The following TBC1D20 variants were observed in gnomAD, a reference collection of about 807,000 sequenced individuals.
TBC1D20 encodes the protein TBC1 domain family member 20, also known as chromosome 20 open reading frame 140.
In TBC1D20, 12 loss-of-function variants were observed where a neutral mutation model predicts 41.6. The ratio of observed to expected loss-of-function variants is 0.29; its 90% CI spans 0.18 to 0.47. The LOEUF is 0.47. Ranked by LOEUF, TBC1D20 falls within the 20% of genes least tolerant of loss-of-function variation. The probability of loss-of-function intolerance (pLI) is 1.00; values close to 1 mark genes in which losing one functional copy is unlikely to be tolerated. For synonymous variants in TBC1D20, 205 were observed against 204.8 expected (o/e 1.00, Z -0.01); for missense variants, 421 against 517.4 (o/e 0.81, Z 1.81).
intron 1 of TBC1D20, among the ~76,000 whole-genome samples, chr20:460,290 A>G (rs987617739): frequency 3.3e-5 from 5 of 152,098 alleles, no homozygotes; most frequent in African/African-American, 7.2e-5. Flanking sequence ...ATTGGAAATT[A>G]ACTTGAAAAT....
chr20:447,214 C>T (rs1013649403), intron 2 of TBC1D20, among the ~76,000 whole-genome samples: 6 of 151,102 alleles, frequency 4.0e-5, no homozygotes, highest in Non-Finnish European at 8.8e-5. Context: ...CCTGCCTCAG[C>T]CTCCCAAAGT....
At chr20:454,817 G>GC (rs1364091311) in intron 1 of TBC1D20, among the ~76,000 whole-genome samples, 1 of 151,886 alleles carries the variant, frequency 6.6e-6, no homozygotes, top group Non-Finnish European at 1.5e-5. Context: ...GATTACAGGC[G>GC]CATGCTGCCA....
Position 439,047 on chromosome 20 carries a change from T to C in TBC1D20, c.956+61A>G. The stretch of plus-strand genomic sequence containing the variant: ...AACCCTATCCCACCAGACACAAACC[T>C]TCCCTCGCTTCTGCTCATTTACAGC... On this transcript the variant is annotated intron_variant, in intron 7 of 7. Transcript: ENST00000354200. The surrounding 1 kb of genome is among the most constrained non-coding windows in gnomAD (Gnocchi z 4.6). 1 of 1,552,858 alleles carries C rather than the reference T, an allele frequency of 6.4e-7. No individual in the cohort carries two copies. The highest frequency in any genetic ancestry group is 1.9e-5 in the Admixed American group (1 of 53,716).
intron 1 of TBC1D20, chr20:450,548 C>A (rs907244083): frequency 6.6e-6 from 1 of 152,154 alleles, no homozygotes; most frequent in Non-Finnish European, 1.5e-5. Flanking sequence ...TGTGACACTG[C>A]ATACAAAGGA....
chr20:460,057 G>C (rs933443231), intron 1 of TBC1D20, among the ~76,000 whole-genome samples: 9 of 151,970 alleles, frequency 5.9e-5, no homozygotes, highest in African/African-American at 1.5e-4. Context: ...TACTAACTTG[G>C]ATCAACTAAT....
intron 1 of TBC1D20, among the ~76,000 whole-genome samples, chr20:451,381 C>A (rs1261933321): frequency 6.6e-6 from 1 of 152,032 alleles, no homozygotes; most frequent in Non-Finnish European, 1.5e-5. Flanking sequence ...CCTGTCTCTA[C>A]TTTAAAAATA....
chr20:462,293 CG>C, intron 1 of TBC1D20, 42 bp downstream of exon 1: 1 of 1,237,960 alleles, frequency 8.1e-7, no homozygotes, highest in Non-Finnish European at 1.0e-6. Context: ...CCCCCCGGGC[CG>C]CCCTCGCAGG....
chr20:442,248 G>A (rs1030361768), intron 3 of TBC1D20, among the ~76,000 whole-genome samples: 1 of 152,228 alleles, frequency 6.6e-6, no homozygotes, highest in Admixed American at 6.5e-5. Flanking sequence ...AGCTGCAGAT[G>A]CCACCCTAAC....
Position 453,108 on chromosome 20 carries a change from G to A in TBC1D20, c.71-5034C>T, listed in dbSNP as rs2017473564. On this transcript the variant is annotated intron_variant, in intron 1 of 7. Transcript: ENST00000354200. Reference sequence around the variant, plus strand: ...TTGAGGTAAGCTGAGATTGCAGATCGCGCCATTGCACTCCAGCCTGGGCAA... The same window carrying A: ...TTGAGGTAAGCTGAGATTGCAGATCACGCCATTGCACTCCAGCCTGGGCAA... 3.2e-5 allele frequency among the ~76,000 whole-genome samples: 4 copies of A among 123,948 alleles called. No individual in the cohort carries two copies. In the South Asian group the frequency reaches 1.1e-3, roughly 34 times the overall value. The allele number at this position is 123,948 out of a possible 152,430, so 81.3% of individuals were successfully genotyped here.
At chr20:453,073 G>C (rs2017472858) in intron 1 of TBC1D20, among the ~76,000 whole-genome samples, 1 of 145,058 alleles carries the variant, frequency 6.9e-6, no homozygotes, top group Non-Finnish European at 1.5e-5. Context: ...TTGAACCCAG[G>C]GGGCGGAGAT....
At chr20:460,580 T>C (rs1266302554) in intron 1 of TBC1D20, among the ~76,000 whole-genome samples, 1 of 152,214 alleles carries the variant, frequency 6.6e-6, no homozygotes, top group Non-Finnish European at 1.5e-5. Context: ...TCTTCATTAG[T>C]AGTTTCTACA....
At chr20:454,984 A>T (rs1198493113) in intron 1 of TBC1D20, among the ~76,000 whole-genome samples, 1 of 152,126 alleles carries the variant, frequency 6.6e-6, no homozygotes, top group East Asian at 1.9e-4. Flanking sequence ...TTATTAACAT[A>T]AATTAAAGTT....
intron 1 of TBC1D20, among the ~76,000 whole-genome samples, chr20:456,426 C>T (rs2017540969): frequency 1.3e-5 from 2 of 152,188 alleles, no homozygotes; most frequent in East Asian, 3.8e-4. Context: ...TCTACTTGTA[C>T]TAAGCACTGT....
intron 1 of TBC1D20, among the ~76,000 whole-genome samples, chr20:460,901 C>T (rs555403446): frequency 6.6e-6 from 1 of 151,660 alleles, no homozygotes; most frequent in Admixed American, 6.6e-5. Context: ...CAACAGGTCA[C>T]AAGACCCATG....
At chr20:448,841 C>CT (rs1157490937) in intron 1 of TBC1D20, among the ~76,000 whole-genome samples, 5,111 of 127,128 alleles carry the variant, frequency 0.04, 651 homozygotes, top group African/African-American at 0.14. Flanking sequence ...ATTACACGTA[C>CT]TTTTTTTTTT....
intron 1 of TBC1D20, among the ~76,000 whole-genome samples, chr20:458,387 C>CA (rs2017577519): frequency 1.3e-5 from 2 of 151,292 alleles, no homozygotes; most frequent in South Asian, 4.2e-4. Flanking sequence ...GATCATGGCT[C>CA]ACTGCAGCCT....
intron 1 of TBC1D20, among the ~76,000 whole-genome samples, chr20:454,864 C>T (rs2017514992): frequency 6.6e-6 from 1 of 151,986 alleles, no homozygotes; most frequent in African/African-American, 2.4e-5. Flanking sequence ...TTAGTAGAGA[C>T]AGGGTTTCAC....
chr20:454,877 T>C (rs113348098), intron 1 of TBC1D20, among the ~76,000 whole-genome samples: 111 of 152,164 alleles, frequency 7.3e-4, no homozygotes, highest in Non-Finnish European at 1.4e-3. Context: ...GGTTTCACCA[T>C]GCCAGGCTGG....
chr20:440,867 G>C (rs7267587), intron 5 of TBC1D20: 13,392 of 153,968 alleles, frequency 0.087, 999 homozygotes, highest in African/African-American at 0.19. Flanking sequence ...AAAGCGGGCG[G>C]ATCACCTGAC....
Sources: allele counts gnomAD v4.1 joint callset (sites outside exome capture counted in the v4.1 genomes callset), GRCh38; gene constraint gnomAD v4.1.1; non-coding constraint Gnocchi (gnomAD v3.1); transcripts MANE v1.5; gene names NCBI Gene and HGNC (gene_info 2026-07-23, HGNC 2026-07-21).